The following ENOX1 variants were observed in gnomAD, a reference collection of about 807,000 sequenced individuals.
ENOX1 encodes candidate growth-related and time keeping constitutive hydroquinone (NADH) oxidase.
Under a neutral mutation model 82.5 loss-of-function variants are expected in ENOX1, and 42 were observed. The ratio of observed to expected loss-of-function variants is 0.51; its 90% CI spans 0.40 to 0.66. The LOEUF (loss-of-function observed/expected upper bound fraction) is 0.66. ENOX1 is among the 30% of genes least tolerant of loss of function. ENOX1 has a pLI of 0.00. For missense variants in ENOX1, 608 were observed against 811.6 expected (o/e 0.75, Z 3.05); for synonymous variants, 271 against 282.2 (o/e 0.96, Z 0.40).
chr13:43,659,516 A>G (rs1476558811), intron 2 of ENOX1, among the ~76,000 whole-genome samples: 1 of 151,750 alleles, frequency 6.6e-6, no homozygotes, highest in Non-Finnish European at 1.5e-5. Context: ...TCTTCTTCCT[A>G]TTAAGGTTGT....
chr13:43,488,845 T>C (rs1404879466), intron 2 of ENOX1, among the ~76,000 whole-genome samples: 2 of 152,208 alleles, frequency 1.3e-5, no homozygotes, highest in Non-Finnish European at 2.9e-5. Context: ...GTCTTTGTTA[T>C]AAAATGGCAA....
chr13:43,234,295 T>C (rs2042420488), intron 15 of ENOX1, among the ~76,000 whole-genome samples: 1 of 152,300 alleles, frequency 6.6e-6, no homozygotes. Flanking sequence ...AGTAGAAGTA[T>C]ATAGATGTTT....
intron 1 of ENOX1, among the ~76,000 whole-genome samples, chr13:43,768,426 A>C (rs115782184): frequency 0.047 from 7,087 of 152,194 alleles, 332 homozygotes; most frequent in African/African-American, 0.12. Flanking sequence ...ACATAGTGAG[A>C]TCCTGTCTCT....
At chr13:43,254,973 T>C (rs976482143) in intron 14 of ENOX1, among the ~76,000 whole-genome samples, 16 of 151,856 alleles carry the variant, frequency 1.1e-4, no homozygotes, top group African/African-American at 3.9e-4. Context: ...GAAGAACAAA[T>C]AGTAATCCAA....
At chr13:43,626,067 G>T (rs543001154) in intron 2 of ENOX1, among the ~76,000 whole-genome samples, 3 of 151,890 alleles carry the variant, frequency 2.0e-5, no homozygotes, top group Admixed American at 2.0e-4. Flanking sequence ...GGTGAGTTGT[G>T]GTAGCCTGTG....
intron 3 of ENOX1, among the ~76,000 whole-genome samples, chr13:43,478,400 T>C (rs1201812666): frequency 6.6e-6 from 1 of 152,116 alleles, no homozygotes; most frequent in African/African-American, 2.4e-5. Context: ...AGTAGTGCAT[T>C]TCAGGAAATG....
At chr13:43,556,766 G>A (rs570352764) in intron 2 of ENOX1, among the ~76,000 whole-genome samples, 26 of 150,394 alleles carry the variant, frequency 1.7e-4, no homozygotes, top group Admixed American at 6.6e-4. Flanking sequence ...GGGTACATAA[G>A]TCACCCAATA....
At chr13:43,489,380 A>G (rs1287039659) in intron 2 of ENOX1, among the ~76,000 whole-genome samples, 1 of 152,114 alleles carries the variant, frequency 6.6e-6, no homozygotes, top group Non-Finnish European at 1.5e-5. Context: ...CAGCCTCCAT[A>G]TGGTCGTAAT....
intron 2 of ENOX1, among the ~76,000 whole-genome samples, chr13:43,508,761 T>C (rs1355589602): frequency 6.6e-6 from 1 of 151,556 alleles, no homozygotes; most frequent in Non-Finnish European, 1.5e-5. Flanking sequence ...ATTCAGCCAA[T>C]ATTACACAGT....
At chr13:43,625,257 T>A (rs1314891023) in intron 2 of ENOX1, among the ~76,000 whole-genome samples, 2 of 152,010 alleles carry the variant, frequency 1.3e-5, no homozygotes, top group Admixed American at 6.6e-5. Flanking sequence ...AGGATTTTTT[T>A]ATAGATTCTT....
At position 43,387,739 on chromosome 13, in the gene ENOX1, T is replaced by C. The variant is rs572770107; in HGVS notation, c.208+24177A>G. On this transcript the variant is annotated intron_variant, in intron 5 of 16. Transcript: ENST00000690772. ...ATATATACACATATATGCATAAACATATAAATATGTAAATGCACACATATA... is the reference window on the plus strand; with the variant it reads ...ATATATACACATATATGCATAAACACATAAATATGTAAATGCACACATATA... Among the ~76,000 whole-genome samples, 54 of 151,086 alleles carry C rather than the reference T, an allele frequency of 3.6e-4. 1 individual carries two copies. The South Asian group carries it at 0.011, about 31-fold the overall frequency.
chr13:43,370,082 C>T (rs1222486043), intron 5 of ENOX1, among the ~76,000 whole-genome samples: 1 of 152,186 alleles, frequency 6.6e-6, no homozygotes, highest in African/African-American at 2.4e-5. Context: ...GAAATATCTT[C>T]TTGGGCCGGG....
At chr13:43,312,547 T>G (rs1050238413) in intron 11 of ENOX1, among the ~76,000 whole-genome samples, 1 of 152,188 alleles carries the variant, frequency 6.6e-6, no homozygotes, top group African/African-American at 2.4e-5. Context: ...CTTTATCTTT[T>G]TGGGGACTTA....
intron 2 of ENOX1, among the ~76,000 whole-genome samples, chr13:43,637,366 C>G (rs1352135214): frequency 6.6e-6 from 1 of 152,108 alleles, no homozygotes; most frequent in Non-Finnish European, 1.5e-5. Flanking sequence ...GTGGGTTAAT[C>G]TCATGTCTTG....
intron 2 of ENOX1, among the ~76,000 whole-genome samples, chr13:43,637,385 G>A (rs759609651): frequency 1.3e-5 from 2 of 152,070 alleles, no homozygotes; most frequent in South Asian, 2.1e-4. Context: ...TGTTTCAACC[G>A]GGAAGCCATG....
At chr13:43,785,233 C>T (rs1952498954) in intron 1 of ENOX1, among the ~76,000 whole-genome samples, 1 of 152,168 alleles carries the variant, frequency 6.6e-6, no homozygotes, top group Non-Finnish European at 1.5e-5. Context: ...AAACTAAGTA[C>T]CAGCCAATAT....
intron 9 of ENOX1, among the ~76,000 whole-genome samples, chr13:43,329,455 C>T (rs764864147): frequency 6.6e-6 from 1 of 152,028 alleles, no homozygotes; most frequent in Non-Finnish European, 1.5e-5. Flanking sequence ...TGAGAACAAG[C>T]ATCGGTGGAG....
chr13:43,778,623 C>T (rs1044629511), intron 1 of ENOX1, among the ~76,000 whole-genome samples: 1 of 152,212 alleles, frequency 6.6e-6, no homozygotes, highest in Non-Finnish European at 1.5e-5. Context: ...CTTCAGCTCT[C>T]CTTCTCTACA....
intron 2 of ENOX1, among the ~76,000 whole-genome samples, chr13:43,644,878 T>C (rs2083821874): frequency 6.6e-6 from 1 of 152,190 alleles, no homozygotes; most frequent in Non-Finnish European, 1.5e-5. Context: ...TTTCAGGTCT[T>C]ATACCAAGTT....
Sources: gnomAD v4.1 joint callset for allele counts (sites outside exome capture counted in the v4.1 genomes callset) on GRCh38, gnomAD v4.1.1 for gene constraint, MANE v1.5 for transcripts, NCBI Gene and HGNC (gene_info 2026-07-23, HGNC 2026-07-21) for gene names.